The following MUC12 variants were observed in gnomAD, a reference collection of about 807,000 sequenced individuals.
MUC12 encodes the protein mucin-12.
MUC12 carries 172 observed loss-of-function variants against 230.8 expected under a neutral mutation model. The ratio of observed to expected loss-of-function variants is 0.75; its 90% CI spans 0.66 to 0.85. MUC12 has a LOEUF of 0.85. Among genes scored for constraint, MUC12 ranks in the 40% least tolerant of loss-of-function variants. MUC12 has a pLI of 0.00. For missense variants in MUC12, 3,506 were observed against 5,920.6 expected (o/e 0.59, Z 13.38); for synonymous variants, 1,259 against 2,401.9 (o/e 0.52, Z 13.91).
Position 100,992,318 on chromosome 7 carries a change from C to T in MUC12, c.1755C>T (p.Gly585=). Residue 585 remains glycine (G), a synonymous_variant, in exon 2 of 12, where the codon GGC becomes GGT. Transcript: ENST00000536621. ...PEYTTFHSRP[G]STETTLLPDN... ...ATACTACCTTCCACAGCCGCCCAGG[C>T]TCCACTGAAACAACACTCTTACCTG... 1.3e-6 allele frequency: 2 copies of T among 1,536,798 alleles called. No individual in the cohort carries two copies. Among genetic ancestry groups the T allele is most frequent in the Non-Finnish European group, 8.7e-7 (1 of 1,146,108 alleles).
chr7:101,008,561 A>G (rs1793791735), intron 3 of MUC12, 73 bp from the exon 4 acceptor site: 2 of 1,472,402 alleles, frequency 1.4e-6, no homozygotes, highest in Non-Finnish European at 9.0e-7. Flanking sequence ...ACCCACAGGC[A>G]GAGAATGTAT....
Position 101,005,314 on chromosome 7 carries a change from A to G in MUC12, c.14751A>G (p.Thr4917=). 1 of 1,537,800 alleles carries G rather than the reference A, an allele frequency of 6.5e-7. No individual in the cohort carries two copies. Among genetic ancestry groups the G allele is most frequent in the Non-Finnish European group, 8.7e-7 (1 of 1,147,026 alleles). The change falls in exon 2 of 12, where the codon ACA becomes ACG. Residue 4917 remains threonine, a synonymous_variant. Coordinates refer to ENST00000536621, the MANE Select transcript of MUC12 (RefSeq NM_001164462.2). The stretch of plus-strand genomic sequence containing the variant: ...ACAGCAGCTCAGACGCAACTGGAAC[A>G]ACACCCTTACCTGCCCGCTCCACAG... ...AFHSSSDATG[T]TPLPARSTAS...
Position 101,012,359 on chromosome 7 carries a change from G to A in MUC12, c.15315G>A (p.Glu5105=). The change falls in exon 6 of 12, where the codon GAG becomes GAA. Residue 5105 remains glutamate, a synonymous_variant. Coordinates refer to ENST00000536621, the MANE Select transcript of MUC12 (RefSeq NM_001164462.2). ...ILEADYTLEY[E]ELFENLAEIV... is the part of the protein sequence containing the mutation. ...AGGCAGACTACACTTTAGAGTATGAGGAACTGTTTGAAAACCTGGCAGAGA... is the reference window on the plus strand; with the variant it reads ...AGGCAGACTACACTTTAGAGTATGAAGAACTGTTTGAAAACCTGGCAGAGA... 1 of 1,537,508 alleles carries A rather than the reference G, an allele frequency of 6.5e-7. No individual in the cohort carries two copies. Among genetic ancestry groups the A allele is most frequent in the Non-Finnish European group, 8.7e-7 (1 of 1,146,974 alleles).
chr7:100,988,793 C>A (rs1793233663), intron 1 of MUC12, among the ~76,000 whole-genome samples: 1 of 152,110 alleles, frequency 6.6e-6, no homozygotes. Context: ...GTAGCTCCCA[C>A]AATTCCCATG....
intron 8 of MUC12, among the ~76,000 whole-genome samples, 156 bp downstream of exon 8, chr7:101,013,298 C>A (rs184843126): frequency 6.6e-6 from 1 of 152,140 alleles, no homozygotes; most frequent in Admixed American, 6.5e-5. Flanking sequence ...CTCATTCCCA[C>A]CCCCCACACC....
Position 100,991,868 on chromosome 7 carries a change from G to A in MUC12, c.1305G>A (p.Glu435=), listed in dbSNP as rs749056370. 110 of 1,537,480 alleles carry A rather than the reference G, an allele frequency of 7.2e-5. No homozygotes were observed. Among genetic ancestry groups the A allele is most frequent in the Middle Eastern group, 6.6e-4 (4 of 6,018 alleles). ...RDSSTISGRS[E]ESKASHSSPD... ...GCTCCACAATCTCAGGCCGTAGTGA[G>A]GAATCAAAAGCATCCCACAGCAGCC... The change falls in exon 2 of 12, where the codon GAG becomes GAA. Residue 435 remains glutamate (E), a synonymous_variant. Transcript: ENST00000536621.
rs1562781909 is a variant in MUC12, at chr7:100,991,434, C to A, written c.871C>A (p.Pro291Thr). 2 of 1,537,820 alleles carry A rather than the reference C, an allele frequency of 1.3e-6. No individual in the cohort carries two copies. Among genetic ancestry groups the A allele is most frequent in the African/African-American group, 1.4e-5 (1 of 73,150 alleles). ...AAGCTCAAAGGACACTTCGCCTGCA[C>A]CTTCTGGTACCACATCAGCCTTTGT... is the stretch of plus-strand genomic sequence containing the variant. ...WPSSKDTSPA[P>T]SGTTSAFVKL... Residue 291 changes from proline to threonine, a missense_variant, in exon 2 of 12, where the codon CCT (proline) becomes ACT (threonine). Physicochemically the swap from Pro to Thr is conservative, Grantham distance 38 (BLOSUM62 -1). Transcript: ENST00000536621.
At chr7:101,011,224 C>G (rs1425623790) in intron 5 of MUC12, among the ~76,000 whole-genome samples, 1 of 152,112 alleles carries the variant, frequency 6.6e-6, no homozygotes, top group Non-Finnish European at 1.5e-5. Flanking sequence ...GTGCCCCAAC[C>G]TTGCCCCTGG....
At chr7:101,014,144 T>A in intron 9 of MUC12, 70 bp downstream of exon 9, 1 of 1,442,036 alleles carries the variant, frequency 6.9e-7, no homozygotes, top group Non-Finnish European at 9.2e-7. Context: ...ACTGTCTGAA[T>A]GTCCTAAGGC....
chr7:100,970,262 G>A (rs1040391143), intron 1 of MUC12, among the ~76,000 whole-genome samples: 1 of 152,260 alleles, frequency 6.6e-6, no homozygotes, highest in Non-Finnish European at 1.5e-5. Context: ...CAAGGTGGGT[G>A]GATCACCTGA....
At chr7:101,017,355 C>A in intron 10 of MUC12, 1 of 531,914 alleles carries the variant, frequency 1.9e-6, no homozygotes, top group Non-Finnish European at 3.3e-6. Flanking sequence ...GGGGCTTCTG[C>A]TCCGCTCCCT....
chr7:101,008,288 G>A (rs187116869), intron 3 of MUC12, among the ~76,000 whole-genome samples: 5 of 151,848 alleles, frequency 3.3e-5, no homozygotes, highest in Non-Finnish European at 5.9e-5. Context: ...TACCATGCCT[G>A]GTTAATTTTT....
At chr7:100,983,249 G>A (rs751447206) in intron 1 of MUC12, among the ~76,000 whole-genome samples, 29 of 151,746 alleles carry the variant, frequency 1.9e-4, no homozygotes, top group South Asian at 1.7e-3. Context: ...GCAAAACCAC[G>A]TCTCTAATAA....
At chr7:100,981,455 C>A in intron 1 of MUC12, 1 of 555,184 alleles carries the variant, frequency 1.8e-6, no homozygotes, top group Non-Finnish European at 3.2e-6. Flanking sequence ...CTGGGGCTCC[C>A]ACTTAGTGAG....
At position 100,974,757 on chromosome 7, in the gene MUC12, C is replaced by T. The variant is rs573456766; in HGVS notation, c.67+5068C>T. 4.6e-5 allele frequency among the ~76,000 whole-genome samples: 7 copies of T among 152,416 alleles called. No homozygotes were observed. In the East Asian group the frequency reaches 9.6e-4, roughly 21 times the overall value. On this transcript the variant is annotated intron_variant, in intron 1 of 11. Coordinates refer to ENST00000536621, the MANE Select transcript of MUC12 (RefSeq NM_001164462.2). ...GGAGGAATGCTTGAGCCCAGGAGGT[C>T]GAGACTGCAGTGAGCTGTGATTGTG...
At chr7:100,988,000 A>G (rs1278486719) in intron 1 of MUC12, among the ~76,000 whole-genome samples, 1 of 146,872 alleles carries the variant, frequency 6.8e-6, no homozygotes, top group Non-Finnish European at 1.5e-5. Flanking sequence ...AAAAGAAAAA[A>G]AAGAAGTGTG....
chr7:101,015,332 G>A lies in MUC12; in HGVS notation c.15801-283G>A, dbSNP rs549804320. On this transcript the variant is annotated intron_variant, in intron 9 of 11. Transcript: ENST00000536621. The stretch of plus-strand genomic sequence containing the variant: ...GAAACCCTGGCACAGTACCTGACCC[G>A]AAGTCAGCAACTGAAGGGAGCTACC... The A allele has an allele frequency of 1.7e-4, 74 of 434,734 alleles. 1 individual carries two copies. The East Asian group carries it at 3.0e-3, about 18-fold the overall frequency. 26.9% of individuals were successfully genotyped at this position (434,734 alleles called of 1,614,324 possible).
rs994748488 is a variant in MUC12 at position 100,991,545 on chromosome 7, G to A, written c.982G>A (p.Glu328Lys). The stretch of plus-strand genomic sequence containing the variant: ...CAGCTCCACAACCTTGGGCCATAGT[G>A]AGGAATCGACACCAGTCCACAGCAG... ...SASSTTLGHS[E>K]ESTPVHSSPV... Residue 328 changes from glutamate to lysine, a missense_variant, in exon 2 of 12, where the codon GAG (glutamate) becomes AAG (lysine). Coordinates refer to ENST00000536621, the MANE Select transcript of MUC12 (RefSeq NM_001164462.2). 19 of 1,537,048 alleles carry A rather than the reference G, an allele frequency of 1.2e-5. No individual in the cohort carries two copies. Among genetic ancestry groups the A allele is most frequent in the African/African-American group, 4.1e-5 (3 of 72,938 alleles).
chr7:101,012,793 T>G (rs1202624935), intron 6 of MUC12, 26 bp from the exon 7 acceptor site: 1 of 1,535,254 alleles, frequency 6.5e-7, no homozygotes, highest in Non-Finnish European at 8.7e-7. Flanking sequence ...TTCTATTCCA[T>G]CTTCCTTCCC....
Sources: allele counts gnomAD v4.1 joint callset (sites outside exome capture counted in the v4.1 genomes callset), GRCh38; gene constraint gnomAD v4.1.1; transcripts MANE v1.5; gene names NCBI Gene and HGNC (gene_info 2026-07-23, HGNC 2026-07-21).